The following FAM177A1 variants were observed in gnomAD, a reference collection of about 807,000 sequenced individuals.
FAM177A1 encodes family with sequence similarity 177 member A1.
A neutral mutation model predicts 26.1 loss-of-function variants in FAM177A1; 22 were observed. That is an observed-to-expected ratio of 0.84 (90% CI 0.60 to 1.20). FAM177A1 has a LOEUF of 1.20. Among genes scored for constraint, FAM177A1 ranks in the 50% most tolerant of loss-of-function variants. The pLI, the probability that FAM177A1 is intolerant of heterozygous loss-of-function variation, is 0.00. For missense variants in FAM177A1, 296 were observed against 291.1 expected (o/e 1.02, Z -0.12); for synonymous variants, 95 against 99.3 (o/e 0.96, Z 0.26).
intron 1 of FAM177A1, among the ~76,000 whole-genome samples, chr14:35,048,491 C>CCCAAA (rs1288941829): frequency 3.3e-5 from 5 of 151,420 alleles, no homozygotes; most frequent in Non-Finnish European, 7.4e-5. Flanking sequence ...GTTCTCATTC[C>CCCAAA]CCAAAGGTAA....
chr14:35,072,867 T>C lies in FAM177A1; in HGVS notation c.340-4283T>C, dbSNP rs189629719. On this transcript the variant is annotated intron_variant, in intron 2 of 4. Coordinates refer to ENST00000280987, the MANE Select transcript of FAM177A1 (RefSeq NM_173607.5). ...ACCCTCCACCCCCCCTTTCCTTTCATATCTACCATATCTTTCATGATTTCA... is the reference window on the plus strand; with the variant it reads ...ACCCTCCACCCCCCCTTTCCTTTCACATCTACCATATCTTTCATGATTTCA... 1.2e-4 allele frequency among the ~76,000 whole-genome samples: 18 copies of C among 152,282 alleles called. No homozygotes were observed. In the East Asian group the frequency reaches 3.5e-3, roughly 29 times the overall value.
At chr14:35,048,777 A>T (rs2044916050) in intron 1 of FAM177A1, among the ~76,000 whole-genome samples, 1 of 151,996 alleles carries the variant, frequency 6.6e-6, no homozygotes, top group South Asian at 2.1e-4. Flanking sequence ...CTTCTTCCCA[A>T]GTTTGGCAGA....
intron 2 of FAM177A1, among the ~76,000 whole-genome samples, chr14:35,063,670 C>A (rs1595047040): frequency 6.6e-6 from 1 of 152,288 alleles, no homozygotes; most frequent in African/African-American, 2.4e-5. Context: ...GATTTAGTAT[C>A]ATTTTAGAGT....
intron 3 of FAM177A1, among the ~76,000 whole-genome samples, chr14:35,077,985 CTTAAT>C (rs2045423910): frequency 6.6e-6 from 1 of 152,142 alleles, no homozygotes; most frequent in South Asian, 2.1e-4. Flanking sequence ...CAACTTATAA[CTTAAT>C]AATGCTAATT....
chr14:35,062,807 A>G, intron 2 of FAM177A1, among the ~76,000 whole-genome samples: 1 of 149,896 alleles, frequency 6.7e-6, no homozygotes, highest in East Asian at 1.9e-4. Flanking sequence ...AAAAAAAAAA[A>G]GAAAAGAAAA....
At chr14:35,051,205 C>T (rs2044963588) in intron 1 of FAM177A1, among the ~76,000 whole-genome samples, 1 of 152,112 alleles carries the variant, frequency 6.6e-6, no homozygotes, top group African/African-American at 2.4e-5. Context: ...CTGCAACCGC[C>T]ACCTCCCGGG....
intron 2 of FAM177A1, among the ~76,000 whole-genome samples, chr14:35,057,418 T>A (rs1446963703): frequency 2.0e-5 from 3 of 152,080 alleles, no homozygotes; most frequent in East Asian, 1.9e-4. Flanking sequence ...AGTCTCACTC[T>A]GTCACCCAGG....
chr14:35,074,794 C>A (rs1266256751), intron 2 of FAM177A1, among the ~76,000 whole-genome samples: 1 of 151,898 alleles, frequency 6.6e-6, no homozygotes, highest in Non-Finnish European at 1.5e-5. Context: ...GTAATCCCAG[C>A]ACTTTGGGAG....
chr14:35,055,462 C>T (rs2045047128), intron 2 of FAM177A1, among the ~76,000 whole-genome samples: 1 of 142,244 alleles, frequency 7.0e-6, no homozygotes, highest in Non-Finnish European at 1.5e-5. Flanking sequence ...TTTTTTGAGA[C>T]AGGGTCTGTC....
intron 2 of FAM177A1, among the ~76,000 whole-genome samples, chr14:35,059,535 C>CTTTT (rs767772869): frequency 3.3e-5 from 4 of 120,444 alleles, no homozygotes; most frequent in Non-Finnish European, 5.3e-5. Context: ...ATTTACATTT[C>CTTTT]TTTTTTTTTT....
intron 2 of FAM177A1, among the ~76,000 whole-genome samples, chr14:35,061,646 G>T (rs2138542861): frequency 6.8e-6 from 1 of 146,942 alleles, no homozygotes; most frequent in South Asian, 2.2e-4. Context: ...ACAGCATTAG[G>T]AGATATACCT....
At chr14:35,065,797 TTCTCCTG>T (rs1395454630) in intron 2 of FAM177A1, among the ~76,000 whole-genome samples, 1 of 151,444 alleles carries the variant, frequency 6.6e-6, no homozygotes, top group East Asian at 1.9e-4. Context: ...GGTCAAATGA[TTCTCCTG>T]TCTCAGCTTC....
intron 3 of FAM177A1, 113 bp downstream of exon 3, chr14:35,077,329 C>A: frequency 1.1e-6 from 1 of 940,494 alleles, no homozygotes; most frequent in Non-Finnish European, 1.7e-6. Context: ...GAGTTAATCA[C>A]TGTCCTCAAG....
intron 4 of FAM177A1, 152 bp from the exon 5 acceptor site, chr14:35,080,870 G>A (rs1434202284): frequency 1.5e-5 from 16 of 1,095,798 alleles, no homozygotes; most frequent in Non-Finnish European, 2.0e-5. Flanking sequence ...CAGGAGAAGG[G>A]AAAGTATGTC....
At position 35,055,550 on chromosome 14, in the gene FAM177A1, C is replaced by T. The variant is rs374147447; in HGVS notation, c.339+2099C>T. Among the ~76,000 whole-genome samples the T allele has an allele frequency of 3.3e-5, 5 of 151,548 alleles. No individual in the cohort carries two copies. In the East Asian group the frequency reaches 9.8e-4, roughly 30 times the overall value. On this transcript the variant is annotated intron_variant, in intron 2 of 4. Coordinates refer to ENST00000280987, the MANE Select transcript of FAM177A1 (RefSeq NM_173607.5). ...CTGGGTTTAAGCGATTCTCGTGCCT[C>T]AGCCTCCCAAGTAGCTGGGATTGCA...
chr14:35,080,912 C>CTTT (rs71435851), intron 4 of FAM177A1, 110 bp from the exon 5 acceptor site: 256 of 1,078,680 alleles, frequency 2.4e-4, no homozygotes, highest in Middle Eastern at 6.8e-4. Flanking sequence ...GAACATGACA[C>CTTT]TTTTTTTTTT....
intron 2 of FAM177A1, among the ~76,000 whole-genome samples, chr14:35,064,464 A>T (rs1352968929): frequency 6.6e-6 from 1 of 152,146 alleles, no homozygotes; most frequent in Non-Finnish European, 1.5e-5. Context: ...TGGTAGCTTT[A>T]TGTTATAACT....
chr14:35,061,418 T>G (rs753951721), intron 2 of FAM177A1, among the ~76,000 whole-genome samples: 1 of 151,116 alleles, frequency 6.6e-6, no homozygotes, highest in East Asian at 1.9e-4. Flanking sequence ...ACCTTCACTT[T>G]AGGAGCTGAG....
intron 2 of FAM177A1, 97 bp from the exon 3 acceptor site, chr14:35,077,053 T>G (rs2045406914): frequency 6.6e-6 from 6 of 913,488 alleles, no homozygotes; most frequent in Non-Finnish European, 1.1e-5. Context: ...CTATAGAATA[T>G]TCTCGGTGCC....
Sources: gnomAD v4.1 joint callset for allele counts (sites outside exome capture counted in the v4.1 genomes callset) on GRCh38, gnomAD v4.1.1 for gene constraint, MANE v1.5 for transcripts, NCBI Gene and HGNC (gene_info 2026-07-23, HGNC 2026-07-21) for gene names.